Variants in PLCL1 observed in about 807,000 individuals in gnomAD.
PLCL1 encodes inactive phospholipase C-like protein 1.
A neutral mutation model predicts 84.4 loss-of-function variants in PLCL1; 41 were observed. The observed-to-expected ratio is 0.49, with a 90% confidence interval of 0.38 to 0.63. PLCL1 has a LOEUF of 0.63. PLCL1 is among the 30% of genes least tolerant of loss of function. The pLI is 0.00. For synonymous variants in PLCL1, 490 were observed against 488.3 expected, an observed-to-expected ratio of 1.00 and a Z score of -0.05; for missense variants, 1,206 against 1,367.8, an observed-to-expected ratio of 0.88 and a Z score of 1.87.
chr2:197,911,691 C>CTAA (rs1387023375), intron 1 of PLCL1, among the ~76,000 whole-genome samples: 2 of 152,080 alleles, frequency 1.3e-5, no homozygotes, highest in African/African-American at 4.8e-5. Context: ...TGAGGAATGC[C>CTAA]TAATACCCTG....
At chr2:198,016,078 G>T (rs1476090554) in intron 1 of PLCL1, among the ~76,000 whole-genome samples, 2 of 152,168 alleles carry the variant, frequency 1.3e-5, no homozygotes, top group Non-Finnish European at 2.9e-5. Context: ...AATGCCCTGT[G>T]TAGTATCATG....
In PLCL1 at chr2:198,085,381, C is replaced by G. The variant is rs755396403; in HGVS notation, c.1864C>G (p.Arg622Gly). ...MCSFSETEAS[R>G]IANEYPEDFV... ...TTCATTTAGTGAAACAGAGGCCAGC[C>G]GCATTGCAAATGAGTACCCAGAGGA... Residue 622 changes from arginine to glycine, a missense_variant, in exon 2 of 6, where the codon CGC becomes GGC. Transcript: ENST00000428675. The surrounding 1 kb of genome is among the most constrained non-coding windows in gnomAD (Gnocchi z 5.3). 1 of 1,611,400 alleles carries G rather than the reference C, an allele frequency of 6.2e-7. No homozygotes were observed. The highest frequency in any genetic ancestry group is 1.1e-5 in the South Asian group (1 of 90,938).
chr2:197,977,488 A>G (rs1690011502), intron 1 of PLCL1, among the ~76,000 whole-genome samples: 1 of 152,136 alleles, frequency 6.6e-6, no homozygotes, highest in East Asian at 1.9e-4. Context: ...TGTGTTTCTC[A>G]CTGGAACTAT....
intron 1 of PLCL1, among the ~76,000 whole-genome samples, chr2:197,960,784 G>T (rs1184961741): frequency 1.3e-5 from 2 of 151,962 alleles, no homozygotes; most frequent in Non-Finnish European, 2.9e-5. Flanking sequence ...AGGGAATTGA[G>T]AATTAATTCA....
intron 1 of PLCL1, among the ~76,000 whole-genome samples, chr2:197,827,616 G>C (rs1203182183): frequency 6.6e-6 from 1 of 151,936 alleles, no homozygotes; most frequent in African/African-American, 2.4e-5. Context: ...TTCAACTTTT[G>C]AAAAACGTAT....
At chr2:198,050,107 T>C (rs539319705) in intron 1 of PLCL1, among the ~76,000 whole-genome samples, 1 of 152,274 alleles carries the variant, frequency 6.6e-6, no homozygotes, top group South Asian at 2.1e-4. Flanking sequence ...GAGTTGGAAG[T>C]TGGCCTCCTG....
Position 198,101,358 on chromosome 2 carries a change from C to A in PLCL1, c.2993C>A (p.Ala998Glu). The A allele has an allele frequency of 6.7e-7, 1 of 1,497,146 alleles. No homozygotes were observed. The highest frequency in any genetic ancestry group is 2.3e-5 in the East Asian group (1 of 43,350). 92.7% of individuals were successfully genotyped at this position (1,497,146 alleles called of 1,614,324 possible). The change falls in exon 4 of 6, where the codon GCA becomes GAA. Residue 998 changes from alanine to glutamate, a missense_variant and splice_region_variant. Ala to Glu is a moderately radical substitution (Grantham distance 107). Coordinates refer to ENST00000428675, the MANE Select transcript of PLCL1 (RefSeq NM_006226.4). ...VQEKIVQCQK[A>E]GMEFHEELHN... is the part of the protein sequence containing the mutation. Reference sequence around the variant, plus strand: ...GAAAAGATTGTACAGTGTCAGAAAGCAGGTAATTGTTTTTAATTTTTTTTT... The same window carrying A: ...GAAAAGATTGTACAGTGTCAGAAAGAAGGTAATTGTTTTTAATTTTTTTTT...
At position 197,870,421 on chromosome 2, in the gene PLCL1, T is replaced by A. The variant is rs550480064; in HGVS notation, c.240+65082T>A. 7.2e-5 allele frequency among the ~76,000 whole-genome samples: 11 copies of A among 151,822 alleles called. No homozygotes were observed. The South Asian group carries it at 2.1e-3, about 29-fold the overall frequency. ...TGGTTCGTTTTTGTGGCGTTAAGAG[T>A]CCCACCCACCCAAGACCCAGTGAAT... On this transcript the variant is annotated intron_variant, in intron 1 of 5. Transcript: ENST00000428675.
intron 1 of PLCL1, among the ~76,000 whole-genome samples, chr2:198,024,828 A>G (rs576277991): frequency 1.3e-5 from 2 of 152,022 alleles, no homozygotes; most frequent in African/African-American, 4.8e-5. Flanking sequence ...ATGTGGCATC[A>G]TGAAAATTTC....
At chr2:198,034,430 G>A (rs1691505485) in intron 1 of PLCL1, among the ~76,000 whole-genome samples, 1 of 152,120 alleles carries the variant, frequency 6.6e-6, no homozygotes, top group African/African-American at 2.4e-5. Context: ...GCACACGTAT[G>A]TTTACTGCGG....
intron 1 of PLCL1, among the ~76,000 whole-genome samples, chr2:198,000,051 A>G (rs1690564577): frequency 6.6e-6 from 1 of 152,198 alleles, no homozygotes; most frequent in Admixed American, 6.6e-5. Context: ...ATAATCTCAA[A>G]TAACCTCTGA....
chr2:197,996,613 T>TA (rs920515011), intron 1 of PLCL1, among the ~76,000 whole-genome samples: 44 of 147,724 alleles, frequency 3.0e-4, no homozygotes, highest in African/African-American at 7.9e-4. Context: ...GTCTATTAAT[T>TA]AAAAAAAAAA....
chr2:198,092,770 C>CT (rs533382956), intron 3 of PLCL1, among the ~76,000 whole-genome samples: 89 of 152,270 alleles, frequency 5.8e-4, no homozygotes, highest in Non-Finnish European at 1.1e-3. Flanking sequence ...TTTGCTTGAA[C>CT]TTTTTAATTG....
At chr2:198,025,562 A>T (rs889317635) in intron 1 of PLCL1, among the ~76,000 whole-genome samples, 3 of 152,150 alleles carry the variant, frequency 2.0e-5, no homozygotes, top group African/African-American at 7.2e-5. Flanking sequence ...AGGTAATCTG[A>T]ATGTCTGTCC....
chr2:198,098,026 G>A (rs913309771), intron 3 of PLCL1, among the ~76,000 whole-genome samples: 2 of 152,122 alleles, frequency 1.3e-5, no homozygotes. Context: ...ATATGTAAGA[G>A]CAATCTGATT....
intron 1 of PLCL1, among the ~76,000 whole-genome samples, chr2:198,052,422 A>T (rs1691957135): frequency 6.6e-6 from 1 of 152,194 alleles, no homozygotes; most frequent in South Asian, 2.1e-4. Context: ...CATTTTTAAA[A>T]AGCAAGAGAT....
At chr2:197,991,500 T>A (rs1339978852) in intron 1 of PLCL1, among the ~76,000 whole-genome samples, 1 of 152,174 alleles carries the variant, frequency 6.6e-6, no homozygotes, top group Non-Finnish European at 1.5e-5. Context: ...CAGATGGTCA[T>A]TATAAAGCAA....
intron 3 of PLCL1, among the ~76,000 whole-genome samples, chr2:198,097,472 A>T (rs1346114168): frequency 1.3e-5 from 2 of 152,188 alleles, no homozygotes; most frequent in African/African-American, 4.8e-5. Flanking sequence ...GTAGTAAGGT[A>T]GTCAAATTGG....
Position 197,804,951 on chromosome 2 carries a change from CGCCGCCGCCGCCGCCACT to C in PLCL1, c.-140_-123del. The C allele has an allele frequency of 1.0e-6, 1 of 982,406 alleles. No homozygotes were observed. Among genetic ancestry groups the C allele is most frequent in the South Asian group, 1.7e-5 (1 of 58,704 alleles). 60.9% of individuals were successfully genotyped at this position (982,406 alleles called of 1,614,324 possible). On this transcript the variant is annotated 5_prime_UTR_variant, in exon 1 of 6. Transcript: ENST00000428675. ...CCCCTCTCCAGAAAGTTGCCGCCGC[CGCCGCCGCCGCCGCCACT>C]GCCGCCGCTGGGCGGTGAAACAAAG...
Sources: gnomAD v4.1 joint callset for allele counts (sites outside exome capture counted in the v4.1 genomes callset) on GRCh38, gnomAD v4.1.1 for gene constraint, Gnocchi (gnomAD v3.1) non-coding constraint, MANE v1.5 for transcripts, NCBI Gene and HGNC (gene_info 2026-07-23, HGNC 2026-07-21) for gene names.